The following MALRD1 variants were observed in gnomAD, a reference collection of about 807,000 sequenced individuals.
The protein encoded by MALRD1 is MAM and LDL receptor class A domain containing 1, also known as MAM and LDL-receptor class A domain-containing protein 1.
In MALRD1, 247 loss-of-function variants were observed where a neutral mutation model predicts 242.1. The ratio of observed to expected loss-of-function variants is 1.02; its 90% CI spans 0.92 to 1.13. The LOEUF is 1.13. MALRD1 is among the 50% of genes most tolerant of loss of function. MALRD1 has a pLI of 0.00. For synonymous variants in MALRD1, 995 were observed against 866.6 expected (o/e 1.15, Z -2.60); for missense variants, 2,989 against 2,533.1 (o/e 1.18, Z -3.86).
At chr10:19,578,682 G>A (rs11010547) in intron 33 of MALRD1, among the ~76,000 whole-genome samples, 4,265 of 151,582 alleles carry the variant, frequency 0.028, 159 homozygotes, top group African/African-American at 0.09. Context: ...ACAGAAAAGA[G>A]TTGACAAGCT....
chr10:19,619,711 A>G (rs1210672910), intron 36 of MALRD1, among the ~76,000 whole-genome samples: 3 of 152,206 alleles, frequency 2.0e-5, no homozygotes, highest in South Asian at 2.1e-4. Flanking sequence ...TTGCATTGCA[A>G]GTTTTTCTAG....
At chr10:19,560,510 C>A (rs1214477491) in intron 32 of MALRD1, among the ~76,000 whole-genome samples, 1 of 152,012 alleles carries the variant, frequency 6.6e-6, no homozygotes, top group Admixed American at 6.6e-5. Flanking sequence ...GACACATGCA[C>A]ATGTATGTTT....
intron 28 of MALRD1, among the ~76,000 whole-genome samples, chr10:19,440,589 C>T (rs1016907672): frequency 4.6e-5 from 7 of 152,034 alleles, no homozygotes; most frequent in Non-Finnish European, 8.8e-5. Context: ...TGGGAACATG[C>T]GGTGTTTGGT....
At chr10:19,075,273 A>G (rs1457470008) in intron 2 of MALRD1, among the ~76,000 whole-genome samples, 1 of 152,032 alleles carries the variant, frequency 6.6e-6, no homozygotes, top group Non-Finnish European at 1.5e-5. Context: ...TGGTTATTCA[A>G]TCAAAGACTA....
At chr10:19,454,702 C>A (rs1348087274) in intron 29 of MALRD1, among the ~76,000 whole-genome samples, 1 of 127,410 alleles carries the variant, frequency 7.8e-6, no homozygotes, top group East Asian at 2.2e-4. Context: ...CGAGGACTGT[C>A]CGTGCACACG....
chr10:19,050,699 CTG>C (rs1463671859), intron 1 of MALRD1, among the ~76,000 whole-genome samples: 6 of 152,212 alleles, frequency 3.9e-5, no homozygotes, highest in Non-Finnish European at 7.3e-5. Flanking sequence ...GAGACGCTAA[CTG>C]TGGGCTTGTT....
chr10:19,531,418 C>T (rs1479264630), intron 32 of MALRD1, 67 bp downstream of exon 32: 3 of 1,381,366 alleles, frequency 2.2e-6, no homozygotes, highest in African/African-American at 2.9e-5. Flanking sequence ...ATTGTCTTCC[C>T]TTGTCTTATT....
chr10:19,509,038 G>C (rs1354045226), intron 31 of MALRD1, among the ~76,000 whole-genome samples: 1 of 152,120 alleles, frequency 6.6e-6, no homozygotes, highest in Non-Finnish European at 1.5e-5. Flanking sequence ...AGAGAACAAT[G>C]AAAAGCAAAG....
chr10:19,676,882 G>A (rs1227494125), intron 36 of MALRD1, among the ~76,000 whole-genome samples: 1 of 152,118 alleles, frequency 6.6e-6, no homozygotes. Flanking sequence ...TGTTCTCATT[G>A]TTCAGCTTCC....
intron 31 of MALRD1, among the ~76,000 whole-genome samples, chr10:19,499,093 T>C (rs1054908368): frequency 6.6e-6 from 1 of 152,036 alleles, no homozygotes; most frequent in Admixed American, 6.6e-5. Flanking sequence ...AAGTGTAAAA[T>C]GGTAAGTGGT....
intron 32 of MALRD1, among the ~76,000 whole-genome samples, 164 bp from the exon 33 acceptor site, chr10:19,567,338 C>G (rs1325537783): frequency 6.6e-6 from 1 of 152,048 alleles, no homozygotes; most frequent in African/African-American, 2.4e-5. Context: ...ATATAACATC[C>G]ATTGGCTCAC....
At chr10:19,524,338 G>A (rs1255220271) in intron 31 of MALRD1, among the ~76,000 whole-genome samples, 2 of 151,928 alleles carry the variant, frequency 1.3e-5, no homozygotes, top group African/African-American at 2.4e-5. Flanking sequence ...TTAGCTGGGC[G>A]TGGTGGTGCG....
At chr10:19,253,750 C>T (rs1839391460) in intron 18 of MALRD1, among the ~76,000 whole-genome samples, 1 of 152,008 alleles carries the variant, frequency 6.6e-6, no homozygotes, top group Non-Finnish European at 1.5e-5. Flanking sequence ...CCCAAATCTT[C>T]CATTTCCTGA....
chr10:19,547,295 C>T (rs1449313452), intron 32 of MALRD1, among the ~76,000 whole-genome samples: 2 of 152,078 alleles, frequency 1.3e-5, no homozygotes, highest in East Asian at 3.9e-4. Flanking sequence ...AGTTCTTCCT[C>T]CTGTGAGACA....
intron 30 of MALRD1, 121 bp from the exon 31 acceptor site, chr10:19,498,364 G>C: frequency 1.2e-6 from 1 of 843,384 alleles, no homozygotes; most frequent in Non-Finnish European, 1.8e-6. Flanking sequence ...TCTTGATGCT[G>C]TAAGTGTATT....
At chr10:19,243,681 G>T (rs1477799100) in intron 18 of MALRD1, among the ~76,000 whole-genome samples, 1 of 151,928 alleles carries the variant, frequency 6.6e-6, no homozygotes, top group East Asian at 1.9e-4. Flanking sequence ...CAACACTCTT[G>T]GGTCTTTACC....
At position 19,329,412 on chromosome 10, in the gene MALRD1, AC is replaced by A. The variant is rs371714617; in HGVS notation, c.3687+1748del. Among the ~76,000 whole-genome samples, 44 of 89,326 alleles carry A rather than the reference AC, an allele frequency of 4.9e-4. No homozygotes were observed. The South Asian group carries it at 6.4e-3, about 13-fold the overall frequency. The allele number at this position is 89,326 out of a possible 152,430, so 58.6% of individuals were successfully genotyped here. On this transcript the variant is annotated intron_variant, in intron 23 of 39. Transcript: ENST00000454679. ...GGAAGCTTGTATAATTTTATTTGGG[AC>A]CCCCCCCCAATTTAAACAAAATATT...
intron 30 of MALRD1, among the ~76,000 whole-genome samples, chr10:19,493,587 A>G (rs1178919354): frequency 6.6e-6 from 1 of 151,246 alleles, no homozygotes; most frequent in Admixed American, 6.6e-5. Context: ...ATGCGGGTGG[A>G]TCACAAGGTC....
chr10:19,464,386 A>G (rs939564622), intron 29 of MALRD1, among the ~76,000 whole-genome samples: 5 of 152,158 alleles, frequency 3.3e-5, no homozygotes, highest in Admixed American at 1.3e-4. Context: ...TGATTTTTGT[A>G]TAAGGTGAGA....
Sources: allele counts gnomAD v4.1 joint callset (sites outside exome capture counted in the v4.1 genomes callset), GRCh38; gene constraint gnomAD v4.1.1; transcripts MANE v1.5; gene names NCBI Gene and HGNC (gene_info 2026-07-23, HGNC 2026-07-21).